The following VWA3B variants were observed in gnomAD, a reference collection of about 807,000 sequenced individuals.
VWA3B encodes von Willebrand factor A domain containing 3B, also known as von Willebrand factor A domain-containing protein 3B.
In VWA3B, 138 loss-of-function variants were observed where a neutral mutation model predicts 158.3. That is an observed-to-expected ratio of 0.87 (90% CI 0.76 to 1.00). The LOEUF (loss-of-function observed/expected upper bound fraction) is 1.00, where lower values mean the gene tolerates loss of function less well. Among genes scored for constraint, VWA3B ranks in the 50% least tolerant of loss-of-function variants. The pLI, the probability that VWA3B is intolerant of heterozygous loss-of-function variation, is 0.00. For synonymous variants in VWA3B, 596 were observed against 587.3 expected (o/e 1.01, Z -0.21); for missense variants, 1,555 against 1,565.1 (o/e 0.99, Z 0.11).
At chr2:98,151,507 G>A (rs2105170810) in intron 7 of VWA3B, among the ~76,000 whole-genome samples, 1 of 152,330 alleles carries the variant, frequency 6.6e-6, no homozygotes, top group East Asian at 1.9e-4. Context: ...GTTGGCCAGA[G>A]CCAGTCACAT....
At chr2:98,295,851 A>C (rs966859363) in intron 23 of VWA3B, among the ~76,000 whole-genome samples, 1 of 152,216 alleles carries the variant, frequency 6.6e-6, no homozygotes, top group African/African-American at 2.4e-5. Context: ...GAGGCTTAGC[A>C]GTGGTGGGAC....
At chr2:98,254,963 G>A (rs1335452665) in intron 20 of VWA3B, among the ~76,000 whole-genome samples, 1 of 152,106 alleles carries the variant, frequency 6.6e-6, no homozygotes, top group African/African-American at 2.4e-5. Context: ...GCCTCCTGAA[G>A]AGCAGTAGCA....
Position 98,270,677 on chromosome 2 carries a change from T to C in VWA3B, c.2844-5T>C, listed in dbSNP as rs759099768. The C allele has an allele frequency of 2.5e-6, 4 of 1,608,004 alleles. No homozygotes were observed. The highest frequency in any genetic ancestry group is 1.1e-5 in the South Asian group (1 of 89,610). On this transcript the variant is annotated splice_region_variant and splice_polypyrimidine_tract_variant and intron_variant, in intron 21 of 27. Coordinates refer to ENST00000477737, the MANE Select transcript of VWA3B (RefSeq NM_144992.5). ...TGTTTGTTTGTTTGTTTCTTTGTTT[T>C]TTAGGTTAGATGCAAACAAACCAAT...
Position 98,211,930 on chromosome 2 carries a change from A to C in VWA3B, c.1738A>C (p.Ile580Leu). Residue 580 changes from isoleucine (I) to leucine (L), a missense_variant and splice_region_variant, in exon 13 of 28, where the codon ATT (isoleucine) becomes CTT (leucine). By Grantham distance (5) the Ile-to-Leu change is conservative. Coordinates refer to ENST00000477737, the MANE Select transcript of VWA3B (RefSeq NM_144992.5). ...TCCTTGGTGTCTCTTTTTTCCGTAGATTGGAAGCTCCACAAACACCCTGAG... is the reference window on the plus strand; with the variant it reads ...TCCTTGGTGTCTCTTTTTTCCGTAGCTTGGAAGCTCCACAAACACCCTGAG... Reference protein sequence around the residue: ...QAQSWIRDIKIGSSTNTLSAL... With the variant: ...QAQSWIRDIKLGSSTNTLSAL... The C allele has an allele frequency of 1.2e-6, 2 of 1,613,286 alleles. No individual in the cohort carries two copies. The highest frequency in any genetic ancestry group is 1.7e-6 in the Non-Finnish European group (2 of 1,179,758).
intron 1 of VWA3B, 51 bp from the exon 2 acceptor site, chr2:98,093,010 T>C: frequency 7.3e-7 from 1 of 1,362,060 alleles, no homozygotes; most frequent in Admixed American, 2.1e-5. Context: ...CTGTTGACGT[T>C]AGATGATTTC....
intron 2 of VWA3B, 74 bp downstream of exon 2, chr2:98,093,362 G>T (rs1682490176): frequency 2.6e-6 from 4 of 1,513,038 alleles, no homozygotes; most frequent in African/African-American, 1.4e-5. Flanking sequence ...AGCTCTGAAG[G>T]CCCCTCAAAA....
At chr2:98,288,905 G>C (rs1689326596) in intron 22 of VWA3B, among the ~76,000 whole-genome samples, 1 of 152,102 alleles carries the variant, frequency 6.6e-6, no homozygotes, top group Admixed American at 6.6e-5. Context: ...CCTTTCAAGA[G>C]CTACACTTAA....
intron 26 of VWA3B, 93 bp from the exon 27 acceptor site, chr2:98,311,726 G>A: frequency 7.2e-7 from 1 of 1,396,310 alleles, no homozygotes; most frequent in Non-Finnish European, 9.5e-7. Flanking sequence ...ACGTGGGCAA[G>A]GAGCTGAGAA....
rs968310340 is a variant in VWA3B at position 98,266,269 on chromosome 2, G to A, written c.2844-4413G>A. On this transcript the variant is annotated intron_variant, in intron 21 of 27. Coordinates refer to ENST00000477737, the MANE Select transcript of VWA3B (RefSeq NM_144992.5). The stretch of plus-strand genomic sequence containing the variant: ...GTTTCAGCTTTCTACATATGGCTTA[G>A]CCAGTTTTCCCAGCACCATTTATTA... 1.7e-4 allele frequency among the ~76,000 whole-genome samples: 26 copies of A among 152,158 alleles called. 1 individual carries two copies. The highest frequency in any genetic ancestry group is 6.0e-4 in the African/African-American group (25 of 41,460).
chr2:98,128,123 A>T, intron 5 of VWA3B, 116 bp from the exon 6 acceptor site: 1 of 1,279,162 alleles, frequency 7.8e-7, no homozygotes, highest in Non-Finnish European at 1.1e-6. Context: ...CAGGGCTGCT[A>T]TTCTTTCTGC....
At chr2:98,283,864 G>A (rs1398519453) in intron 22 of VWA3B, among the ~76,000 whole-genome samples, 1 of 152,210 alleles carries the variant, frequency 6.6e-6, no homozygotes, top group Non-Finnish European at 1.5e-5. Context: ...ATAGCCAGGT[G>A]GGCAGCACCC....
chr2:98,239,035 A>G (rs1241248372), intron 19 of VWA3B, among the ~76,000 whole-genome samples: 2 of 152,362 alleles, frequency 1.3e-5, no homozygotes, highest in South Asian at 2.1e-4. Context: ...AAAATCACCG[A>G]TAAACAGTAA....
intron 23 of VWA3B, chr2:98,290,859 T>C: frequency 2.4e-6 from 1 of 422,456 alleles, no homozygotes; most frequent in Non-Finnish European, 4.3e-6. Flanking sequence ...CATTTTTTAG[T>C]AAACAAATTT....
At chr2:98,190,376 TA>T (rs1681476283) in intron 10 of VWA3B, among the ~76,000 whole-genome samples, 1 of 152,220 alleles carries the variant, frequency 6.6e-6, no homozygotes, top group South Asian at 2.1e-4. Flanking sequence ...CAATACATTC[TA>T]AACAGTCAAT....
intron 7 of VWA3B, among the ~76,000 whole-genome samples, chr2:98,142,367 C>A (rs1676844616): frequency 6.6e-6 from 1 of 152,128 alleles, no homozygotes; most frequent in African/African-American, 2.4e-5. Flanking sequence ...CTCCTGTTCT[C>A]CCCCAAGCCA....
chr2:98,160,539 G>C (rs909980524), intron 7 of VWA3B, among the ~76,000 whole-genome samples: 2 of 152,170 alleles, frequency 1.3e-5, no homozygotes, highest in Admixed American at 1.3e-4. Flanking sequence ...AGCCGACTGG[G>C]TTTCCTCGGA....
At chr2:98,118,443 T>C (rs1419343312) in intron 3 of VWA3B, among the ~76,000 whole-genome samples, 1 of 152,148 alleles carries the variant, frequency 6.6e-6, no homozygotes, top group African/African-American at 2.4e-5. Context: ...GTATCTTCTT[T>C]TAAAATGTGC....
intron 13 of VWA3B, among the ~76,000 whole-genome samples, chr2:98,216,567 C>G (rs1684005754): frequency 6.6e-6 from 1 of 152,188 alleles, no homozygotes; most frequent in Non-Finnish European, 1.5e-5. Flanking sequence ...TCTTGCCACT[C>G]CAGCTGATGT....
intron 7 of VWA3B, among the ~76,000 whole-genome samples, chr2:98,137,634 G>A (rs75355972): frequency 0.015 from 2,246 of 152,114 alleles, 21 homozygotes; most frequent in Non-Finnish European, 0.023. Flanking sequence ...AGGTTATTAA[G>A]TTTAAAGATA....
Sources: allele counts gnomAD v4.1 joint callset (sites outside exome capture counted in the v4.1 genomes callset), GRCh38; gene constraint gnomAD v4.1.1; transcripts MANE v1.5; gene names NCBI Gene and HGNC (gene_info 2026-07-23, HGNC 2026-07-21).